ITGA8: variants seen among roughly 807,000 people sequenced by gnomAD.
ITGA8 encodes the protein integrin subunit alpha 8.
Under a neutral mutation model 142.3 loss-of-function variants are expected in ITGA8, and 91 were observed. The observed-to-expected ratio is 0.64, with a 90% confidence interval of 0.54 to 0.76. ITGA8 has a LOEUF of 0.76. Ranked by LOEUF, ITGA8 falls within the 30% of genes least tolerant of loss-of-function variation. The pLI, the probability that ITGA8 is intolerant of heterozygous loss-of-function variation, is 0.00. For synonymous variants in ITGA8, 505 were observed against 485.2 expected (o/e 1.04, Z -0.54); for missense variants, 1,406 against 1,327.7 (o/e 1.06, Z -0.92).
In ITGA8 at chr10:15,555,991, C is replaced by T. The variant is rs547540531; in HGVS notation, c.2766+2083G>A. On this transcript the variant is annotated intron_variant, in intron 26 of 29. Transcript: ENST00000378076. ...CCTTTCTTATTACTCATTTGCCCTGCGGTCTTCTGCCAGGGTCTCTCTCTC... is the reference window on the plus strand; with the variant it reads ...CCTTTCTTATTACTCATTTGCCCTGTGGTCTTCTGCCAGGGTCTCTCTCTC... Among the ~76,000 whole-genome samples the T allele has an allele frequency of 3.6e-3, 492 of 137,860 alleles. 3 individuals carry two copies. Among genetic ancestry groups the T allele is most frequent in the African/African-American group, 0.012 (468 of 37,836 alleles). The allele number at this position is 137,860 out of a possible 152,430, so 90.4% of individuals were successfully genotyped here.
intron 11 of ITGA8, 106 bp downstream of exon 11, chr10:15,655,248 C>A: frequency 1.4e-6 from 1 of 709,498 alleles, no homozygotes; most frequent in Non-Finnish European, 2.3e-6. Context: ...AAGAGAGCCT[C>A]TATCTTGTTG....
rs146106693 is a variant in ITGA8, at chr10:15,711,180, C to T, written c.343+7586G>A. 5.5e-4 allele frequency among the ~76,000 whole-genome samples: 83 copies of T among 152,274 alleles called. 2 individuals carry two copies. In the East Asian group the frequency reaches 9.1e-3, roughly 17 times the overall value. On this transcript the variant is annotated intron_variant, in intron 2 of 29. Coordinates refer to ENST00000378076, the MANE Select transcript of ITGA8 (RefSeq NM_003638.3). Reference sequence around the variant, plus strand: ...TCATTGCATAGATATTCTTATGCAACGTGTTTGCATTCACACTCTTCTTAT... The same window carrying T: ...TCATTGCATAGATATTCTTATGCAATGTGTTTGCATTCACACTCTTCTTAT...
At chr10:15,586,257 C>T (rs377244731) in intron 23 of ITGA8, among the ~76,000 whole-genome samples, 2 of 151,824 alleles carry the variant, frequency 1.3e-5, no homozygotes, top group East Asian at 3.9e-4. Context: ...CAGGGTTTCA[C>T]GATGTTGGCT....
At chr10:15,668,775 C>A (rs1447557656) in intron 8 of ITGA8, among the ~76,000 whole-genome samples, 6 of 152,204 alleles carry the variant, frequency 3.9e-5, no homozygotes, top group South Asian at 2.1e-4. Flanking sequence ...TCCTTCACTT[C>A]TGAAGCTTAG....
intron 2 of ITGA8, among the ~76,000 whole-genome samples, chr10:15,688,828 A>C (rs1175567680): frequency 6.6e-6 from 1 of 152,236 alleles, no homozygotes; most frequent in African/African-American, 2.4e-5. Flanking sequence ...TTTAAAAGTT[A>C]GTTATAGAGG....
intron 9 of ITGA8, among the ~76,000 whole-genome samples, chr10:15,659,752 AGAG>A (rs1834251400): frequency 6.6e-6 from 1 of 152,218 alleles, no homozygotes; most frequent in African/African-American, 2.4e-5. Flanking sequence ...CCTTATCAAA[AGAG>A]GAGAAGACAC....
At chr10:15,643,656 C>G (rs1381546022) in intron 13 of ITGA8, among the ~76,000 whole-genome samples, 5 of 152,156 alleles carry the variant, frequency 3.3e-5, no homozygotes. Context: ...ATAATAGGAG[C>G]TATGAGCTCA....
Position 15,678,731 on chromosome 10 carries a change from A to T in ITGA8, c.621T>A (p.Asp207Glu). ...QGYCQAGFSL[D>E]FYKNGDLIVG... is the part of the protein sequence containing the mutation. ...GACCAAAATAATTCACCTTATAAAA[A>T]TCCAGACTAAATCCTGCTTGGCAGT... The change falls in exon 5 of 30, where the codon GAT becomes GAA. Residue 207 changes from aspartate to glutamate, a missense_variant. By Grantham distance (45) the Asp-to-Glu change is conservative. Coordinates refer to ENST00000378076, the MANE Select transcript of ITGA8 (RefSeq NM_003638.3). The T allele has an allele frequency of 6.2e-7, 1 of 1,609,952 alleles. No individual in the cohort carries two copies. The highest frequency in any genetic ancestry group is 8.5e-7 in the Non-Finnish European group (1 of 1,176,412).
chr10:15,581,907 G>GA (rs1247161198), intron 23 of ITGA8, among the ~76,000 whole-genome samples: 1 of 152,162 alleles, frequency 6.6e-6, no homozygotes, highest in Admixed American at 6.6e-5. Flanking sequence ...TCAGTGGGGG[G>GA]AAAAATGGTT....
At position 15,718,897 on chromosome 10, in the gene ITGA8, G is replaced by T; in HGVS notation, c.212C>A (p.Ala71Glu). ...TTTGGGCGCCCCCACCAAGACACTC[G>T]CTCTGCAAAAGAGTTGGAGAAAGTC... is the stretch of plus-strand genomic sequence containing the variant. Reference protein sequence around the residue: ...VDFHIPDARTASVLVGAPKAN... With the variant: ...VDFHIPDARTESVLVGAPKAN... Residue 71 changes from alanine to glutamate, a missense_variant and splice_region_variant, in exon 2 of 30, where the codon GCG becomes GAG. By Grantham distance (107) the Ala-to-Glu change is moderately radical. Transcript: ENST00000378076. 6.2e-7 allele frequency: 1 copy of T among 1,613,996 alleles called. No homozygotes were observed. Among genetic ancestry groups the T allele is most frequent in the Non-Finnish European group, 8.5e-7 (1 of 1,180,018 alleles).
intron 14 of ITGA8, among the ~76,000 whole-genome samples, chr10:15,614,340 G>A (rs1222925106): frequency 2.0e-5 from 3 of 152,176 alleles, no homozygotes; most frequent in Non-Finnish European, 4.4e-5. Context: ...AGCCAGAGAA[G>A]TGGTTCTCAA....
intron 25 of ITGA8, among the ~76,000 whole-genome samples, chr10:15,566,752 C>T (rs1360531169): frequency 6.6e-6 from 1 of 151,394 alleles, no homozygotes; most frequent in Admixed American, 6.6e-5. Context: ...CAGGTTGTTG[C>T]AGTGAGCAGA....
chr10:15,670,598 T>G (rs1834493780), intron 8 of ITGA8, among the ~76,000 whole-genome samples: 1 of 152,344 alleles, frequency 6.6e-6, no homozygotes, highest in Middle Eastern at 3.4e-3. Flanking sequence ...GAGGTAGACA[T>G]GAAGAGAAAA....
At chr10:15,675,305 C>T (rs1421628839) in intron 6 of ITGA8, among the ~76,000 whole-genome samples, 3 of 152,186 alleles carry the variant, frequency 2.0e-5, no homozygotes, top group African/African-American at 4.8e-5. Context: ...CTAAACTGGT[C>T]CTCTTCCAGT....
intron 22 of ITGA8, among the ~76,000 whole-genome samples, chr10:15,588,543 G>T (rs1832871137): frequency 6.6e-6 from 1 of 152,102 alleles, no homozygotes. Flanking sequence ...TAGACTTTAT[G>T]GTTCCAAATA....
At chr10:15,667,838 T>A (rs1241411095) in intron 8 of ITGA8, among the ~76,000 whole-genome samples, 1 of 152,108 alleles carries the variant, frequency 6.6e-6, no homozygotes. Context: ...TTTGAGTGAG[T>A]TTCTTAATCC....
At chr10:15,719,091 C>A (rs533376221) in intron 1 of ITGA8, among the ~76,000 whole-genome samples, 192 bp from the exon 2 acceptor site, 2 of 152,276 alleles carry the variant, frequency 1.3e-5, no homozygotes, top group Admixed American at 6.5e-5. Context: ...TGCAAGAATG[C>A]AAACGGTCCT....
At chr10:15,604,376 G>A (rs1320986219) in intron 19 of ITGA8, 21 bp from the exon 20 acceptor site, 8 of 1,592,866 alleles carry the variant, frequency 5.0e-6, no homozygotes, top group Non-Finnish European at 6.0e-6. Context: ...AGTTTAAAAA[G>A]AAGGATTAGG....
rs1224944980 is a variant in ITGA8 at position 15,669,802 on chromosome 10, T to C, written c.847+1801A>G. On this transcript the variant is annotated intron_variant, in intron 8 of 29. Coordinates refer to ENST00000378076, the MANE Select transcript of ITGA8 (RefSeq NM_003638.3). ...ACTCCAGACCCTGTTTTCCTGGGTATCAGCAGCAGAGGCTGCAGAATAGCA... is the reference window on the plus strand; with the variant it reads ...ACTCCAGACCCTGTTTTCCTGGGTACCAGCAGCAGAGGCTGCAGAATAGCA... Among the ~76,000 whole-genome samples the C allele has an allele frequency of 2.0e-5, 3 of 152,326 alleles. 1 individual carries two copies. The East Asian group carries it at 5.8e-4, about 29-fold the overall frequency.
Sources: gnomAD v4.1 joint callset for allele counts (sites outside exome capture counted in the v4.1 genomes callset) on GRCh38, gnomAD v4.1.1 for gene constraint, MANE v1.5 for transcripts, NCBI Gene and HGNC (gene_info 2026-07-23, HGNC 2026-07-21) for gene names.